SH3KBP1: variants seen among roughly 807,000 people sequenced by gnomAD.
SH3KBP1 encodes the protein SH3 domain-containing kinase-binding protein 1.
SH3KBP1 carries 8 observed loss-of-function variants against 50.1 expected under a neutral mutation model. The ratio of observed to expected loss-of-function variants is 0.16; its 90% CI spans 0.09 to 0.29. SH3KBP1 has a LOEUF of 0.29. SH3KBP1 is among the 10% of genes least tolerant of loss of function. The probability of loss-of-function intolerance (pLI) is 1.00; values close to 1 mark genes in which losing one functional copy is unlikely to be tolerated. For synonymous variants in SH3KBP1, 227 were observed against 218.6 expected (o/e 1.04, Z -0.34); for missense variants, 377 against 535.2 (o/e 0.70, Z 2.92).
intron 1 of SH3KBP1, among the ~76,000 whole-genome samples, chrX:19,863,534 C>T (rs919536112): frequency 8.9e-5 from 10 of 112,382 alleles, no homozygotes; most frequent in Admixed American, 1.9e-4. Context: ...TCTTCAAAGT[C>T]CAAACCAGTT....
chrX:19,778,752 C>A (rs2066067631), intron 2 of SH3KBP1, among the ~76,000 whole-genome samples: 1 of 110,612 alleles, frequency 9.0e-6, no homozygotes, highest in South Asian at 3.8e-4. Flanking sequence ...GTTGAAGCAG[C>A]AGGGGCTTCC....
chrX:19,875,176 T>C (rs898852008), intron 1 of SH3KBP1, among the ~76,000 whole-genome samples: 1 of 111,252 alleles, frequency 9.0e-6, no homozygotes, highest in African/African-American at 3.3e-5. Flanking sequence ...CCTTCCCCCA[T>C]GGCATGCTAT....
chrX:19,568,565 G>A (rs1228147567), intron 13 of SH3KBP1, among the ~76,000 whole-genome samples: 5 of 111,895 alleles, frequency 4.5e-5, no homozygotes, highest in African/African-American at 3.3e-5. Flanking sequence ...ACCCACTCAC[G>A]TACACCTCCA....
chrX:19,545,822 C>T (rs1412858245), intron 15 of SH3KBP1, 100 bp downstream of exon 15: 8 of 966,321 alleles, frequency 8.3e-6, no homozygotes, highest in Non-Finnish European at 1.2e-5. Flanking sequence ...TGAAGAATGA[C>T]AAACACCTGC....
intron 3 of SH3KBP1, among the ~76,000 whole-genome samples, chrX:19,720,372 T>C (rs2064022722): frequency 9.1e-6 from 1 of 110,338 alleles, no homozygotes; most frequent in Non-Finnish European, 1.9e-5. Flanking sequence ...GGAGAGGGAG[T>C]CTGGATTTTC....
chrX:19,653,418 T>G (rs929386410), intron 6 of SH3KBP1, among the ~76,000 whole-genome samples: 2 of 111,422 alleles, frequency 1.8e-5, no homozygotes, highest in Non-Finnish European at 3.8e-5. Context: ...ACTCAGAATA[T>G]ATAATGCTTC....
intron 2 of SH3KBP1, among the ~76,000 whole-genome samples, chrX:19,760,856 G>A (rs1247772927): frequency 9.1e-6 from 1 of 110,485 alleles, no homozygotes; most frequent in Non-Finnish European, 1.9e-5. Flanking sequence ...AGAAGGGATG[G>A]TTGAATGCTA....
chrX:19,632,751 G>A (rs2061606412), intron 7 of SH3KBP1, among the ~76,000 whole-genome samples: 1 of 112,872 alleles, frequency 8.9e-6, no homozygotes, highest in African/African-American at 3.2e-5. Context: ...TTATCTGAAA[G>A]CACAAGTTAC....
chrX:19,664,343 C>T (rs1389161164), intron 6 of SH3KBP1, among the ~76,000 whole-genome samples: 1 of 111,458 alleles, frequency 9.0e-6, no homozygotes, highest in Non-Finnish European at 1.9e-5. Context: ...GATCAACTGC[C>T]AGTCTTCAAC....
chrX:19,735,726 G>GC (rs2064537742), intron 3 of SH3KBP1, among the ~76,000 whole-genome samples: 1 of 62,961 alleles, frequency 1.6e-5, no homozygotes, highest in African/African-American at 6.7e-5. Context: ...TTTTTTGGCG[G>GC]GGGGGGGGGG....
chrX:19,600,168 C>G (rs967515866), intron 9 of SH3KBP1, among the ~76,000 whole-genome samples: 1 of 107,707 alleles, frequency 9.3e-6, no homozygotes, highest in Admixed American at 9.9e-5. Flanking sequence ...AGATTGCCTG[C>G]ACTCAGGAGT....
In SH3KBP1 at chrX:19,686,540, T is replaced by C. The variant is rs899287327; in HGVS notation, c.521-2512A>G. ...TTTAACAGTGTGCACTGGTGTAACT[T>C]CCAGACATGTGGCTGGTGGTGGAGT... is the stretch of plus-strand genomic sequence containing the variant. On this transcript the variant is annotated intron_variant, in intron 5 of 17. Coordinates refer to ENST00000397821, the MANE Select transcript of SH3KBP1 (RefSeq NM_031892.3). Among the ~76,000 whole-genome samples the C allele has an allele frequency of 3.6e-5, 4 of 110,949 alleles. No individual in the cohort carries two copies. In the Admixed American group the frequency reaches 3.8e-4, roughly 11 times the overall value.
chrX:19,663,991 G>A (rs1413579249), intron 6 of SH3KBP1, among the ~76,000 whole-genome samples: 1 of 112,116 alleles, frequency 8.9e-6, no homozygotes, highest in African/African-American at 3.2e-5. Flanking sequence ...ACAGGAGGCT[G>A]AGGCAGAAGA....
chrX:19,661,123 A>G (rs1426877316), intron 6 of SH3KBP1, among the ~76,000 whole-genome samples: 1 of 112,961 alleles, frequency 8.9e-6, no homozygotes, highest in Non-Finnish European at 1.9e-5. Context: ...TTAATTCAAC[A>G]AGCCTTTGCA....
At chrX:19,713,753 C>T (rs187346298) in intron 3 of SH3KBP1, among the ~76,000 whole-genome samples, 2 of 111,433 alleles carry the variant, frequency 1.8e-5, no homozygotes, top group African/African-American at 3.3e-5. Flanking sequence ...AAATATACGA[C>T]ACATTGTTGT....
At chrX:19,593,738 C>A (rs1432130007) in intron 10 of SH3KBP1, among the ~76,000 whole-genome samples, 1 of 111,949 alleles carries the variant, frequency 8.9e-6, no homozygotes, top group Non-Finnish European at 1.9e-5. Flanking sequence ...TAGCTACATT[C>A]TAGACTGCCT....
chrX:19,707,945 T>C (rs773288612), intron 3 of SH3KBP1, among the ~76,000 whole-genome samples: 2 of 112,878 alleles, frequency 1.8e-5, no homozygotes, highest in Non-Finnish European at 3.8e-5. Flanking sequence ...AGTTTGTCGT[T>C]CATGGCTGAC....
chrX:19,652,163 T>C (rs773118762), intron 6 of SH3KBP1, among the ~76,000 whole-genome samples: 1 of 111,503 alleles, frequency 9.0e-6, no homozygotes, highest in Non-Finnish European at 1.9e-5. Flanking sequence ...ATCACTGCCA[T>C]GTACCAGCTC....
rs1569417239 is a variant in SH3KBP1, at chrX:19,683,871, T to C, written c.678A>G (p.Leu226=). 1 of 1,211,872 alleles carries C rather than the reference T, an allele frequency of 8.3e-7. No individual in the cohort carries two copies. The highest frequency in any genetic ancestry group is 2.2e-5 in the Admixed American group (1 of 46,101). ...GDIFKDKPIK[L]RPRSIEVEND... ...TTTCTACTTCAATTGACCTTGGTCT[T>C]AGTTTGATTGGCTTGTCTTTGAAAA... Residue 226 remains leucine, a synonymous_variant, in exon 6 of 18, where the codon CTA becomes CTG. Coordinates refer to ENST00000397821, the MANE Select transcript of SH3KBP1 (RefSeq NM_031892.3).
Sources: allele counts gnomAD v4.1 joint callset (sites outside exome capture counted in the v4.1 genomes callset), GRCh38; gene constraint gnomAD v4.1.1; transcripts MANE v1.5; gene names NCBI Gene and HGNC (gene_info 2026-07-23, HGNC 2026-07-21).